KCP: variants seen among roughly 807,000 people sequenced by gnomAD.
KCP encodes kielin/chordin-like protein.
In KCP, 194 loss-of-function variants were observed where a neutral mutation model predicts 212.7. That is an observed-to-expected ratio of 0.91 (90% CI 0.81 to 1.03). KCP has a LOEUF of 1.03. KCP is among the 50% of genes least tolerant of loss of function. The pLI is 0.00. For synonymous variants in KCP, 833 were observed against 865.3 expected, an observed-to-expected ratio of 0.96 and a Z score of 0.65; for missense variants, 2,080 against 2,162.5, an observed-to-expected ratio of 0.96 and a Z score of 0.76.
At chr7:128,889,482 C>T (rs1370119545) in intron 21 of KCP, among the ~76,000 whole-genome samples, 1 of 152,206 alleles carries the variant, frequency 6.6e-6, no homozygotes, top group African/African-American at 2.4e-5. Context: ...GTGGTGACAG[C>T]CCGCTCTTGG....
rs966498418 is a variant in KCP at position 128,884,133 on chromosome 7, G to T, written c.3124-11C>A. On this transcript the variant is annotated splice_polypyrimidine_tract_variant and intron_variant, in intron 28 of 39. Coordinates refer to ENST00000610776, the MANE Select transcript of KCP (RefSeq NM_001366122.1). ...CCCCTCAGGCTGTGGCTACAAGAAT[G>T]AGTGAGCAGCGGTGGGTCCTGGGCC... The T allele has an allele frequency of 9.7e-6, 15 of 1,541,224 alleles. No individual in the cohort carries two copies. Among genetic ancestry groups the T allele is most frequent in the Non-Finnish European group, 1.3e-5 (15 of 1,144,424 alleles).
rs1346095716 is a variant in KCP at position 128,886,576 on chromosome 7, C to A, written c.2773-19G>T. The A allele has an allele frequency of 3.2e-6, 5 of 1,550,590 alleles. No individual in the cohort carries two copies. The highest frequency in any genetic ancestry group is 4.4e-6 in the Non-Finnish European group (5 of 1,146,204). Reference sequence around the variant, plus strand: ...GGCCAGCCTGTAGGAGATGCAGGGACACTGGCTCGCTGCCTAGGCTGGGGC... The same window carrying A: ...GGCCAGCCTGTAGGAGATGCAGGGAAACTGGCTCGCTGCCTAGGCTGGGGC... On this transcript the variant is annotated intron_variant, in intron 25 of 39. Coordinates refer to ENST00000610776, the MANE Select transcript of KCP (RefSeq NM_001366122.1).
Position 128,904,045 on chromosome 7 carries a change from G to C in KCP, c.654+11C>G. On this transcript the variant is annotated intron_variant, in intron 6 of 39. Coordinates refer to ENST00000610776, the MANE Select transcript of KCP (RefSeq NM_001366122.1). ...GTGCAGGGCCTGGGCAGAGGGGACA[G>C]GTGGACTCACCAGGCAGGTGCACTG... 1.3e-6 allele frequency: 2 copies of C among 1,550,780 alleles called. No homozygotes were observed. Among genetic ancestry groups the C allele is most frequent in the South Asian group, 2.4e-5 (2 of 84,036 alleles).
chr7:128,904,215 C>T (rs1585253572), intron 5 of KCP, 77 bp from the exon 6 acceptor site: 1 of 1,527,334 alleles, frequency 6.5e-7, no homozygotes, highest in South Asian at 1.2e-5. Context: ...AAGGCATGAC[C>T]CCAAGTAGGT....
intron 5 of KCP, among the ~76,000 whole-genome samples, chr7:128,905,023 C>T (rs1416165323): frequency 6.6e-6 from 1 of 151,846 alleles, no homozygotes; most frequent in Admixed American, 6.6e-5. Context: ...GGTCAGGGGT[C>T]TTTTCTTTGT....
chr7:128,902,603 G>T (rs765168686), intron 8 of KCP, among the ~76,000 whole-genome samples, 174 bp downstream of exon 8: 1 of 152,184 alleles, frequency 6.6e-6, no homozygotes, highest in East Asian at 1.9e-4. Flanking sequence ...AGCTGGGCAC[G>T]CAGATGAGCT....
At chr7:128,877,435 T>C in intron 39 of KCP, 49 bp downstream of exon 39, 1 of 1,542,476 alleles carries the variant, frequency 6.5e-7, no homozygotes, top group South Asian at 1.2e-5. Flanking sequence ...GCTGCCCTTC[T>C]TCTCTGTGCT....
At chr7:128,904,681 T>C (rs1174644421) in intron 5 of KCP, among the ~76,000 whole-genome samples, 1 of 152,200 alleles carries the variant, frequency 6.6e-6, no homozygotes, top group Non-Finnish European at 1.5e-5. Flanking sequence ...GGATGCCATG[T>C]TTCCCCAACC....
In KCP at chr7:128,893,825, C is replaced by G; in HGVS notation, c.1080G>C (p.Gln360His). The G allele has an allele frequency of 6.4e-7, 1 of 1,551,098 alleles. No homozygotes were observed. The highest frequency in any genetic ancestry group is 8.7e-7 in the Non-Finnish European group (1 of 1,146,956). The stretch of plus-strand genomic sequence containing the variant: ...ACTCACCATCGCAGACAGGGCAGCA[C>G]TGCCCAGGGATCTTGCCTGGGTGTC... The part of the protein sequence containing the change: ...PCRHPGKIPG[Q>H]CCPVCDGCEY... Residue 360 changes from glutamine to histidine, a missense_variant, in exon 11 of 40, where the codon CAG (glutamine) becomes CAC (histidine). Coordinates refer to ENST00000610776, the MANE Select transcript of KCP (RefSeq NM_001366122.1).
chr7:128,893,980 C>T lies in KCP; in HGVS notation c.1001G>A (p.Cys334Tyr), dbSNP rs762455710. Residue 334 changes from cysteine (C) to tyrosine (Y), a missense_variant, in exon 10 of 40, where the codon TGT (cysteine) becomes TAT (tyrosine). Cys to Tyr is a radical substitution (Grantham distance 194). Transcript: ENST00000610776. ...CTGCCAGGCAGCCACACTCACAGCA[C>T]AGCGGCAGTGCGAGCAGGGGTCCCC... Reference protein sequence around the residue: ...GSGDPCSHCRCANGSVQCEPL... With the variant: ...GSGDPCSHCRYANGSVQCEPL... 151 of 1,550,042 alleles carry T rather than the reference C, an allele frequency of 9.7e-5. 1 individual carries two copies. The highest frequency in any genetic ancestry group is 1.4e-5 in the African/African-American group (1 of 73,054).
At chr7:128,905,022 T>C (rs1204900031) in intron 5 of KCP, among the ~76,000 whole-genome samples, 6 of 151,304 alleles carry the variant, frequency 4.0e-5, no homozygotes, top group Non-Finnish European at 7.4e-5. Flanking sequence ...GGGTCAGGGG[T>C]CTTTTCTTTG....
rs143989357 is a variant in KCP at position 128,888,766 on chromosome 7, C to T, written c.2512+97G>A. On this transcript the variant is annotated intron_variant, in intron 22 of 39. Transcript: ENST00000610776. ...AGAGTGAGAGAAAAGTATGGTGGAG[C>T]GGCAGGCAGTGGGAGGGCTGGGAGG... The T allele has an allele frequency of 2.7e-4, 314 of 1,155,740 alleles. No individual in the cohort carries two copies. The African/African-American group carries it at 3.9e-3, about 14-fold the overall frequency. 71.6% of individuals were successfully genotyped at this position (1,155,740 alleles called of 1,614,324 possible).
At position 128,894,276 on chromosome 7, in the gene KCP, G is replaced by A; in HGVS notation, c.849C>T (p.Cys283=). ...ICRCLEGHIQ[C]RQRECASLCP... ...ACAGGCTGGCACATTCTCGCTGGCGGCACTGGATGTGACCCTCCTGGTGGG... is the reference window on the plus strand; with the variant it reads ...ACAGGCTGGCACATTCTCGCTGGCGACACTGGATGTGACCCTCCTGGTGGG... The change falls in exon 9 of 40, where the codon TGC becomes TGT. Residue 283 remains cysteine, a synonymous_variant. Coordinates refer to ENST00000610776, the MANE Select transcript of KCP (RefSeq NM_001366122.1). 2 of 1,542,808 alleles carry A rather than the reference G, an allele frequency of 1.3e-6. No individual in the cohort carries two copies. Among genetic ancestry groups the A allele is most frequent in the South Asian group, 1.2e-5 (1 of 82,872 alleles).
Position 128,910,653 on chromosome 7 carries a change from C to A in KCP, c.24G>T (p.Ala8=). Residue 8 remains alanine (A), a synonymous_variant, in exon 1 of 40, where the codon GCG becomes GCT. Coordinates refer to ENST00000610776, the MANE Select transcript of KCP (RefSeq NM_001366122.1). MAGVGAA[A]LSLLLHLGAL... is the part of the protein sequence containing the mutation. Reference sequence around the variant, plus strand: ...CCCCGAGGTGCAGGAGAAGGGACAGCGCAGCGGCCCCGACCCCGGCCATGC... The same window carrying A: ...CCCCGAGGTGCAGGAGAAGGGACAGAGCAGCGGCCCCGACCCCGGCCATGC... The A allele has an allele frequency of 6.6e-7, 1 of 1,510,788 alleles. No homozygotes were observed. Among genetic ancestry groups the A allele is most frequent in the South Asian group, 1.2e-5 (1 of 81,250 alleles). The allele number at this position is 1,510,788 out of a possible 1,614,324, so 93.6% of individuals were successfully genotyped here.
In KCP at chr7:128,890,513, C is replaced by T. The variant is rs898221704; in HGVS notation, c.2165G>A (p.Gly722Asp). ...RQGPCCPSCD[G>D]CLYQGKEFAS... ...AAACTCCTTCCCCTGGTACAGGCAGCCTGGGGAGAAGGGCAGGGGCTGGGG... is the reference window on the plus strand; with the variant it reads ...AAACTCCTTCCCCTGGTACAGGCAGTCTGGGGAGAAGGGCAGGGGCTGGGG... The change falls in exon 21 of 40, where the codon GGC (glycine) becomes GAC (aspartate). Residue 722 changes from glycine (G) to aspartate (D), a missense_variant and splice_region_variant. Transcript: ENST00000610776. 1.7e-5 allele frequency: 27 copies of T among 1,546,558 alleles called. No individual in the cohort carries two copies. The highest frequency in any genetic ancestry group is 2.2e-5 in the Non-Finnish European group (25 of 1,145,596).
chr7:128,889,361 C>T (rs905864117), intron 21 of KCP, among the ~76,000 whole-genome samples: 2 of 152,180 alleles, frequency 1.3e-5, no homozygotes, highest in African/African-American at 2.4e-5. Context: ...TTTCCCAACC[C>T]GGAGAGCTGG....
intron 22 of KCP, among the ~76,000 whole-genome samples, chr7:128,888,516 CCACA>C (rs936388217): frequency 3.2e-4 from 45 of 140,330 alleles, no homozygotes; most frequent in African/African-American, 1.1e-3. Flanking sequence ...ACACACACAG[CCACA>C]CACAGATACA....
intron 22 of KCP, among the ~76,000 whole-genome samples, chr7:128,888,075 TACAG>T (rs997333794): frequency 8.1e-5 from 7 of 86,410 alleles, no homozygotes; most frequent in African/African-American, 2.4e-4. Flanking sequence ...CAGACACAAA[TACAG>T]ACACACACAC....
At chr7:128,902,072 A>G (rs111959606) in intron 8 of KCP, among the ~76,000 whole-genome samples, 3,114 of 152,192 alleles carry the variant, frequency 0.02, 98 homozygotes, top group African/African-American at 0.068. Flanking sequence ...ATGTTTTTTA[A>G]TTTTTTGAGA....
Sources: gnomAD v4.1 joint callset for allele counts (sites outside exome capture counted in the v4.1 genomes callset) on GRCh38, gnomAD v4.1.1 for gene constraint, MANE v1.5 for transcripts, NCBI Gene and HGNC (gene_info 2026-07-23, HGNC 2026-07-21) for gene names.